The following TPST1 variants were observed in gnomAD, a reference collection of about 807,000 sequenced individuals.
TPST1 encodes the protein protein-tyrosine sulfotransferase 1.
A neutral mutation model predicts 34.8 loss-of-function variants in TPST1; 20 were observed. That is an observed-to-expected ratio of 0.57 (90% CI 0.40 to 0.84). The LOEUF (loss-of-function observed/expected upper bound fraction) is 0.84, where lower values mean the gene tolerates loss of function less well. TPST1 is among the 40% of genes least tolerant of loss of function. The pLI, the probability that TPST1 is intolerant of heterozygous loss-of-function variation, is 0.00. For synonymous variants in TPST1, 152 were observed against 159.4 expected (o/e 0.95, Z 0.35); for missense variants, 353 against 455.5 (o/e 0.78, Z 2.05).
At chr7:66,211,566 G>A (rs1789243947) in intron 1 of TPST1, among the ~76,000 whole-genome samples, 1 of 152,234 alleles carries the variant, frequency 6.6e-6, no homozygotes, top group African/African-American at 2.4e-5. Flanking sequence ...GTTGATAAGT[G>A]ATATAAAACA....
intron 4 of TPST1, among the ~76,000 whole-genome samples, chr7:66,353,940 C>G (rs1481865172): frequency 2.0e-5 from 3 of 152,216 alleles, no homozygotes; most frequent in Admixed American, 6.5e-5. Flanking sequence ...TGACCCTTTT[C>G]TGAAAACACT....
chr7:66,326,002 G>T lies in TPST1; in HGVS notation c.1045-26503G>T. ...CAAGAATTGAATAGAATGATAGAAT[G>T]AATGCCAGTATTTTATAATGTTGTA... is the stretch of plus-strand genomic sequence containing the variant. On this transcript the variant is annotated intron_variant, in intron 3 of 5. Coordinates refer to ENST00000304842, the MANE Select transcript of TPST1 (RefSeq NM_003596.4). Among the ~76,000 whole-genome samples the T allele has an allele frequency of 1.3e-5, 2 of 152,144 alleles. 1 individual carries two copies. The highest frequency in any genetic ancestry group is 2.9e-5 in the Non-Finnish European group (2 of 68,028).
intron 2 of TPST1, among the ~76,000 whole-genome samples, chr7:66,254,774 C>G (rs956756859): frequency 6.6e-6 from 1 of 152,200 alleles, no homozygotes; most frequent in South Asian, 2.1e-4. Flanking sequence ...TTTTGTATAT[C>G]TATATCCCGC....
intron 2 of TPST1, among the ~76,000 whole-genome samples, chr7:66,244,242 C>T (rs567777486): frequency 2.0e-5 from 3 of 152,176 alleles, no homozygotes; most frequent in East Asian, 1.9e-4. Flanking sequence ...CGTGAGCCAC[C>T]GCGCCTGGCC....
At position 66,275,926 on chromosome 7, in the gene TPST1, G is replaced by A. The variant is rs1790800139; in HGVS notation, c.846-10585G>A. Among the ~76,000 whole-genome samples, 3 of 151,812 alleles carry A rather than the reference G, an allele frequency of 2.0e-5. No individual in the cohort carries two copies. In the South Asian group the frequency reaches 6.2e-4, roughly 32 times the overall value. ...AATGCACATGTTAATTAGCTTGATT[G>A]AGCCATTTCACCATGTATACATATT... On this transcript the variant is annotated intron_variant, in intron 2 of 5. Coordinates refer to ENST00000304842, the MANE Select transcript of TPST1 (RefSeq NM_003596.4).
At chr7:66,230,091 G>A (rs1361971107) in intron 1 of TPST1, among the ~76,000 whole-genome samples, 1 of 152,152 alleles carries the variant, frequency 6.6e-6, no homozygotes, top group Non-Finnish European at 1.5e-5. Context: ...GGGAGGCTGA[G>A]GCAGGAGAAT....
intron 1 of TPST1, among the ~76,000 whole-genome samples, chr7:66,231,278 A>G (rs1789783778): frequency 6.6e-6 from 1 of 152,250 alleles, no homozygotes; most frequent in Non-Finnish European, 1.5e-5. Context: ...CACCAGACTC[A>G]GGAGCCCAGC....
chr7:66,242,505 A>G (rs1383114563), intron 2 of TPST1, among the ~76,000 whole-genome samples: 1 of 152,222 alleles, frequency 6.6e-6, no homozygotes, highest in Non-Finnish European at 1.5e-5. Flanking sequence ...ATTATTGATT[A>G]TAAGTTATGA....
At chr7:66,203,008 G>A (rs1234277077), upstream of TPST1, among the ~76,000 whole-genome samples, 2 of 152,032 alleles carry the variant, frequency 1.3e-5, no homozygotes, top group East Asian at 1.9e-4. Context: ...CTCGGGAGGC[G>A]GAGGTTGTAG....
chr7:66,327,723 A>T (rs913602055), intron 3 of TPST1, among the ~76,000 whole-genome samples: 3 of 103,162 alleles, frequency 2.9e-5, no homozygotes, highest in Non-Finnish European at 6.0e-5. Context: ...ACCCTGTCTT[A>T]AAAAAAAAAA....
At position 66,215,771 on chromosome 7, in the gene TPST1, C is replaced by CTTT. The variant is rs772346557; in HGVS notation, c.-102+10250_-102+10252dup. Among the ~76,000 whole-genome samples the CTTT allele has an allele frequency of 1.3e-4, 14 of 108,562 alleles. 1 individual carries two copies. The highest frequency in any genetic ancestry group is 1.3e-3 in the East Asian group (5 of 3,934). 71.2% of individuals were successfully genotyped at this position (108,562 alleles called of 152,430 possible). On this transcript the variant is annotated intron_variant, in intron 1 of 5. Transcript: ENST00000304842. ...CCATCTTGTCCTGGTTTTTCTTTTTCTTTCTTTTTTTTTTTTTTTGAGACG... is the reference window on the plus strand; with the variant it reads ...CCATCTTGTCCTGGTTTTTCTTTTTCTTTTTTCTTTTTTTTTTTTTTTGAGACG...
chr7:66,267,005 C>T (rs532846639), intron 2 of TPST1, among the ~76,000 whole-genome samples: 24 of 151,808 alleles, frequency 1.6e-4, no homozygotes, highest in African/African-American at 5.3e-4. Flanking sequence ...CTGTTAAGAT[C>T]TGTGTATACT....
chr7:66,316,668 G>A (rs9969301), intron 3 of TPST1, among the ~76,000 whole-genome samples: 89,798 of 151,818 alleles, frequency 0.59, 26,894 homozygotes, highest in African/African-American at 0.68. Context: ...TGTAACATAC[G>A]GACTATCACT....
intron 3 of TPST1, among the ~76,000 whole-genome samples, chr7:66,304,858 C>T (rs1321994534): frequency 1.3e-5 from 2 of 151,670 alleles, no homozygotes; most frequent in Non-Finnish European, 2.9e-5. Context: ...TGTTCTGTCA[C>T]CCAGGCTGCA....
intron 3 of TPST1, among the ~76,000 whole-genome samples, chr7:66,321,338 G>A (rs1411505968): frequency 6.6e-6 from 1 of 152,206 alleles, no homozygotes; most frequent in Non-Finnish European, 1.5e-5. Flanking sequence ...TCATGACATA[G>A]GCATTTGGTA....
chr7:66,238,973 C>T (rs1290126718), intron 1 of TPST1, among the ~76,000 whole-genome samples: 1 of 152,224 alleles, frequency 6.6e-6, no homozygotes, highest in Non-Finnish European at 1.5e-5. Context: ...GGAGTGCTTC[C>T]TGTGTCCAGA....
At chr7:66,298,198 A>G (rs967096564) in intron 3 of TPST1, among the ~76,000 whole-genome samples, 2 of 152,174 alleles carry the variant, frequency 1.3e-5, no homozygotes, top group East Asian at 1.9e-4. Flanking sequence ...AAGAAATTTT[A>G]TAGTGTTGTT....
At chr7:66,256,563 A>G (rs1295807250) in intron 2 of TPST1, among the ~76,000 whole-genome samples, 1 of 152,180 alleles carries the variant, frequency 6.6e-6, no homozygotes, top group Admixed American at 6.5e-5. Context: ...GTATATGGCT[A>G]CTTAACATGG....
intron 3 of TPST1, among the ~76,000 whole-genome samples, chr7:66,301,743 G>T (rs1039785806): frequency 1.3e-5 from 2 of 152,168 alleles, no homozygotes; most frequent in African/African-American, 2.4e-5. Context: ...TATGTTATAT[G>T]GGCTTAGGAT....
Sources: allele counts gnomAD v4.1 joint callset (sites outside exome capture counted in the v4.1 genomes callset), GRCh38; gene constraint gnomAD v4.1.1; transcripts MANE v1.5; gene names NCBI Gene and HGNC (gene_info 2026-07-23, HGNC 2026-07-21).